Variants in PRAMEF11 observed in about 807,000 individuals in gnomAD.
The protein encoded by PRAMEF11 is PRAME family member 11.
Under a neutral mutation model 33.6 loss-of-function variants are expected in PRAMEF11, and 17 were observed. That is an observed-to-expected ratio of 0.51 (90% CI 0.35 to 0.76). The LOEUF (loss-of-function observed/expected upper bound fraction) is 0.76. Ranked by LOEUF, PRAMEF11 falls within the 30% of genes least tolerant of loss-of-function variation. PRAMEF11 has a pLI of 0.01. For missense variants in PRAMEF11, 568 were observed against 567.0 expected (o/e 1.00, Z -0.02); for synonymous variants, 205 against 227.3 (o/e 0.90, Z 0.88).
rs1639936879 is a variant in PRAMEF11, at chr1:12,828,744, C to A, written c.46G>T (p.Gly16Trp). 3.1e-6 allele frequency: 5 copies of A among 1,609,918 alleles called. No homozygotes were observed. In the African/African-American group the frequency reaches 5.4e-5, roughly 17 times the overall value. Residue 16 changes from glycine (G) to tryptophan (W), a missense_variant, in exon 2 of 4, where the codon GGG becomes TGG. Physicochemically the swap from Gly to Trp is radical, Grantham distance 184. Transcript: ENST00000619922. Reference sequence around the variant, plus strand: ...GCTTGGTCCCTCAGCAGGCTCCGCCCCGCAAGCTCCAGGAGTCTGGGTGGA... The same window carrying A: ...GCTTGGTCCCTCAGCAGGCTCCGCCACGCAAGCTCCAGGAGTCTGGGTGGA... The part of the protein sequence containing the change: ...RIPPRLLELA[G>W]RSLLRDQALA...
chr1:12,831,323 A>T (rs1441163271), intron 1 of PRAMEF11, 33 bp downstream of exon 1: 1 of 150,128 alleles, frequency 6.7e-6, no homozygotes, highest in Admixed American at 6.7e-5. Flanking sequence ...TGTAGGTCAG[A>T]TGGGAGTGTC....
Position 12,828,599 on chromosome 1 carries a change from C to T in PRAMEF11, c.191G>A (p.Arg64His), listed in dbSNP as rs556232264. Residue 64 changes from arginine to histidine, a missense_variant, in exon 2 of 4, where the codon CGC (arginine) becomes CAC (histidine). By Grantham distance (29) the Arg-to-His change is conservative. This residue lies in a region of PRAMEF11 where 342 missense variants were observed against 312.0 expected (regional missense o/e 1.10). Transcript: ENST00000619922. The part of the protein sequence containing the change: ...LKLMVQAWPF[R>H]RLPLRPLIKM... ...TATCAGAGGCCTCAGAGGGAGGCGG[C>T]GGAAGGGCCAGGCCTGCACCATCAG... The T allele has an allele frequency of 4.8e-5, 78 of 1,609,088 alleles. No individual in the cohort carries two copies. Among genetic ancestry groups the T allele is most frequent in the East Asian group, 3.8e-4 (17 of 44,372 alleles).
intron 1 of PRAMEF11, 95 bp from the exon 2 acceptor site, chr1:12,828,900 T>A (rs1424177479): frequency 5.2e-6 from 8 of 1,551,570 alleles, no homozygotes; most frequent in Admixed American, 1.8e-5. Flanking sequence ...GCTCTGGCAA[T>A]GGTGAAACAG....
rs542457519 is a variant in PRAMEF11, at chr1:12,827,063, G to A, written c.875+186C>T. ...AGCATCTCCCCTGACTGATCCCTCTGACTCTATTGGGAGGGTTGCATGATA... is the reference window on the plus strand; with the variant it reads ...AGCATCTCCCCTGACTGATCCCTCTAACTCTATTGGGAGGGTTGCATGATA... On this transcript the variant is annotated intron_variant, in intron 3 of 3. Transcript: ENST00000619922. Among the ~76,000 whole-genome samples, 9 of 151,282 alleles carry A rather than the reference G, an allele frequency of 5.9e-5. 1 individual carries two copies. In the South Asian group the frequency reaches 1.9e-3, roughly 32 times the overall value.
At chr1:12,826,500 G>A (rs1235438064) in intron 3 of PRAMEF11, among the ~76,000 whole-genome samples, 6 of 151,068 alleles carry the variant, frequency 4.0e-5, no homozygotes, top group South Asian at 2.1e-4. Flanking sequence ...GGTAGCTCTC[G>A]CCTATAATCC....
intron 1 of PRAMEF11, among the ~76,000 whole-genome samples, chr1:12,830,438 C>T (rs574166200): frequency 6.6e-6 from 1 of 151,198 alleles, no homozygotes; most frequent in Non-Finnish European, 1.5e-5. Flanking sequence ...CAGGCATGCA[C>T]CCCCCACAGC....
In PRAMEF11 at chr1:12,827,365, C is replaced by T. The variant is rs200248482; in HGVS notation, c.759G>A (p.Glu253=). 2.5e-6 allele frequency: 4 copies of T among 1,576,718 alleles called. 1 individual carries two copies. Among genetic ancestry groups the T allele is most frequent in the East Asian group, 4.6e-5 (2 of 43,666 alleles). ...HMDVSRYVSP[E]QKKEIVTQFT... is the part of the protein sequence containing the mutation. The stretch of plus-strand genomic sequence containing the variant: ...ACTGGGTAACAATCTCCTTCTTCTG[C>T]TCTGGGGAAACGTAGCGAGAGACAT... The change falls in exon 3 of 4, where the codon GAG becomes GAA. Residue 253 remains glutamate (E), a synonymous_variant. Coordinates refer to ENST00000619922, the MANE Select transcript of PRAMEF11 (RefSeq NM_001146344.3).
Position 12,828,739 on chromosome 1 carries a change from C to A in PRAMEF11, c.51G>T (p.Arg17=). The change falls in exon 2 of 4, where the codon CGG becomes CGT. Residue 17 remains arginine (R), a synonymous_variant. Coordinates refer to ENST00000619922, the MANE Select transcript of PRAMEF11 (RefSeq NM_001146344.3). ...CCAAGGCTTGGTCCCTCAGCAGGCT[C>A]CGCCCCGCAAGCTCCAGGAGTCTGG... The part of the protein sequence containing the change: ...IPPRLLELAG[R]SLLRDQALAV... 5.0e-6 allele frequency: 8 copies of A among 1,610,118 alleles called. No homozygotes were observed. Among genetic ancestry groups the A allele is most frequent in the Non-Finnish European group, 6.8e-6 (8 of 1,178,028 alleles).
intron 2 of PRAMEF11, 91 bp downstream of exon 2, chr1:12,828,405 AT>A: frequency 7.0e-7 from 1 of 1,432,428 alleles, no homozygotes; most frequent in Admixed American, 2.2e-5. Context: ...CACCACCACC[AT>A]CCCCCTTGGG....
At chr1:12,828,900 T>C (rs1424177479) in intron 1 of PRAMEF11, 95 bp from the exon 2 acceptor site, 2 of 1,551,682 alleles carry the variant, frequency 1.3e-6, no homozygotes, top group Non-Finnish European at 1.8e-6. Flanking sequence ...GCTCTGGCAA[T>C]GGTGAAACAG....
intron 1 of PRAMEF11, among the ~76,000 whole-genome samples, chr1:12,829,290 CT>C (rs995033697): frequency 1.4e-5 from 2 of 144,006 alleles, no homozygotes; most frequent in African/African-American, 5.2e-5. Flanking sequence ...TTCTTTTTTC[CT>C]TCTTTCCCTC....
intron 1 of PRAMEF11, among the ~76,000 whole-genome samples, chr1:12,830,562 C>A (rs1251134735): frequency 6.6e-6 from 1 of 150,980 alleles, no homozygotes; most frequent in Admixed American, 6.6e-5. Context: ...TTTGCCCAGG[C>A]TGGAGTACAG....
chr1:12,826,635 G>C (rs574724275), intron 3 of PRAMEF11, among the ~76,000 whole-genome samples: 1 of 151,240 alleles, frequency 6.6e-6, no homozygotes, highest in East Asian at 2.0e-4. Flanking sequence ...GGTGGCCCAC[G>C]CCTGTAATCC....
chr1:12,830,628 C>T (rs1265082706), intron 1 of PRAMEF11, among the ~76,000 whole-genome samples: 1 of 150,788 alleles, frequency 6.6e-6, no homozygotes, highest in Non-Finnish European at 1.5e-5. Flanking sequence ...AAGTGATTCT[C>T]CCACACCAGC....
chr1:12,830,787 G>A (rs1276112881), intron 1 of PRAMEF11, among the ~76,000 whole-genome samples: 2 of 150,118 alleles, frequency 1.3e-5, no homozygotes, highest in Admixed American at 6.7e-5. Context: ...TCAGGTGTTC[G>A]ACACCAACCT....
intron 2 of PRAMEF11, 42 bp from the exon 3 acceptor site, chr1:12,827,872 T>A: frequency 6.2e-7 from 1 of 1,601,118 alleles, no homozygotes; most frequent in Non-Finnish European, 8.5e-7. Context: ...TAAGAACTCA[T>A]TTCTGAACTT....
Position 12,827,681 on chromosome 1 carries a change from G to A in PRAMEF11, c.443C>T (p.Pro148Leu), listed in dbSNP as rs144734781. Residue 148 changes from proline (P) to leucine (L), a missense_variant, in exon 3 of 4, where the codon CCC becomes CTC. By Grantham distance (98) the Pro-to-Leu change is moderately conservative. Transcript: ENST00000619922. ...QDCPRMRGRQ[P>L]LTVFVELWLK... ...CCAAAGTTCTACAAACACAGTCAAGGGCTGCCGTCCTCTCATCCTTGGACA... is the reference window on the plus strand; with the variant it reads ...CCAAAGTTCTACAAACACAGTCAAGAGCTGCCGTCCTCTCATCCTTGGACA... The A allele has an allele frequency of 1.2e-6, 2 of 1,609,728 alleles. 1 individual carries two copies. The highest frequency in any genetic ancestry group is 4.5e-5 in the East Asian group (2 of 44,428).
At position 12,824,911 on chromosome 1, in the gene PRAMEF11, G is replaced by T. The variant is rs747982423; in HGVS notation, c.*31C>A. 2 of 1,606,278 alleles carry T rather than the reference G, an allele frequency of 1.2e-6. No individual in the cohort carries two copies. Among genetic ancestry groups the T allele is most frequent in the Non-Finnish European group, 1.7e-6 (2 of 1,176,132 alleles). On this transcript the variant is annotated 3_prime_UTR_variant, in exon 4 of 4. Transcript: ENST00000619922. ...AGTTTCCAAGTGTCCAGAAGAAAGCGTTTGACATACCCATCCAAATAGGCA... is the reference window on the plus strand; with the variant it reads ...AGTTTCCAAGTGTCCAGAAGAAAGCTTTTGACATACCCATCCAAATAGGCA...
rs768027110 is a variant in PRAMEF11, at chr1:12,824,959, C to G, written c.1420G>C (p.Asp474His). The G allele has an allele frequency of 6.2e-7, 1 of 1,609,378 alleles. No individual in the cohort carries two copies. Among genetic ancestry groups the G allele is most frequent in the African/African-American group, 1.3e-5 (1 of 74,664 alleles). ...GCAGGCATTCAACAGCAGTATTGAT[C>G]TGCCTCCAGGTCATAAAATGACCTG... The part of the protein sequence containing the change: ...GDRSFYDLEA[D>H]QYCC Residue 474 changes from aspartate (D) to histidine (H), a missense_variant, in exon 4 of 4, where the codon GAT becomes CAT. Asp to His is a moderately conservative substitution (Grantham distance 81). Coordinates refer to ENST00000619922, the MANE Select transcript of PRAMEF11 (RefSeq NM_001146344.3).
Sources: gnomAD v4.1 joint callset for allele counts (sites outside exome capture counted in the v4.1 genomes callset) on GRCh38, gnomAD v4.1.1 for gene constraint, gnomAD v4.1.1 regional missense constraint, MANE v1.5 for transcripts, NCBI Gene and HGNC (gene_info 2026-07-23, HGNC 2026-07-21) for gene names.